The following ALDH3B1 variants were observed in gnomAD, a reference collection of about 807,000 sequenced individuals.
ALDH3B1 encodes aldehyde dehydrogenase family 3 member B1.
A neutral mutation model predicts 46.2 loss-of-function variants in ALDH3B1; 37 were observed. The observed-to-expected ratio is 0.80, with a 90% confidence interval of 0.62 to 1.05. The LOEUF (loss-of-function observed/expected upper bound fraction) is 1.05. Ranked by LOEUF, ALDH3B1 falls within the 50% of genes least tolerant of loss-of-function variation. The probability of loss-of-function intolerance (pLI) is 0.00; values close to 1 mark genes in which losing one functional copy is unlikely to be tolerated. For synonymous variants in ALDH3B1, 283 were observed against 281.0 expected (o/e 1.01, Z -0.07); for missense variants, 603 against 665.5 (o/e 0.91, Z 1.03).
chr11:68,022,773 G>A lies in ALDH3B1; in HGVS notation c.1116+12G>A. 5.6e-6 allele frequency: 9 copies of A among 1,613,290 alleles called. No individual in the cohort carries two copies. The highest frequency in any genetic ancestry group is 6.8e-6 in the Non-Finnish European group (8 of 1,179,634). On this transcript the variant is annotated intron_variant, in intron 8 of 9. Coordinates refer to ENST00000342456, the MANE Select transcript of ALDH3B1 (RefSeq NM_000694.4). ...CCAACAGCAGCCAGGTGGGGGTGCG[G>A]CCGGGCTGGGCAGGGTCAGGAGCCC... is the stretch of plus-strand genomic sequence containing the variant.
intron 2 of ALDH3B1, chr11:68,015,677 G>C (rs1179175012): frequency 1.4e-6 from 1 of 718,016 alleles, no homozygotes; most frequent in South Asian, 1.5e-5. Context: ...GCCAGGTACT[G>C]TTCTAGGCTC....
At chr11:68,012,516 G>C (rs555097529) in intron 1 of ALDH3B1, among the ~76,000 whole-genome samples, 197 of 152,354 alleles carry the variant, frequency 1.3e-3, no homozygotes, top group African/African-American at 4.4e-3. Context: ...CCACGCCCCA[G>C]AGACCCTTGG....
In ALDH3B1 at chr11:68,021,586, A is replaced by G. The variant is rs1857494754; in HGVS notation, c.664A>G (p.Asn222Asp). Reference sequence around the variant, plus strand: ...CAAGAACCCTTGCTACGTGGACGACAACTGCGACCCCCAGACCGTGGCCAA... The same window carrying G: ...CAAGAACCCTTGCTACGTGGACGACGACTGCGACCCCCAGACCGTGGCCAA... ...GGKNPCYVDD[N>D]CDPQTVANRV... is the part of the protein sequence containing the mutation. The change falls in exon 7 of 10, where the codon AAC becomes GAC. Residue 222 changes from asparagine (N) to aspartate (D), a missense_variant. By Grantham distance (23) the Asn-to-Asp change is conservative. Coordinates refer to ENST00000342456, the MANE Select transcript of ALDH3B1 (RefSeq NM_000694.4). 5 of 1,614,064 alleles carry G rather than the reference A, an allele frequency of 3.1e-6. No homozygotes were observed. Among genetic ancestry groups the G allele is most frequent in the Middle Eastern group, 1.6e-4 (1 of 6,062 alleles).
In ALDH3B1 at chr11:68,022,772, G is replaced by C. The variant is rs377123379; in HGVS notation, c.1116+11G>C. 1 of 1,613,328 alleles carries C rather than the reference G, an allele frequency of 6.2e-7. No individual in the cohort carries two copies. On this transcript the variant is annotated intron_variant, in intron 8 of 9. Transcript: ENST00000342456. ...TCCAACAGCAGCCAGGTGGGGGTGC[G>C]GCCGGGCTGGGCAGGGTCAGGAGCC...
chr11:68,012,939 A>G (rs1394160819), intron 1 of ALDH3B1, among the ~76,000 whole-genome samples: 1 of 152,058 alleles, frequency 6.6e-6, no homozygotes, highest in African/African-American at 2.4e-5. Flanking sequence ...GTGGTCCCTC[A>G]GTGGGCGGCC....
chr11:68,027,792 C>T lies in ALDH3B1; in HGVS notation c.1260C>T (p.Asp420=). The change falls in exon 10 of 10, where the codon GAC becomes GAT. Residue 420 remains aspartate, a synonymous_variant. Transcript: ENST00000342456. ...GGTACCATGGCAAGTTCTCCTTCGA[C>T]ACCTTCTCCCACCATCGCGCCTGCC... The part of the protein sequence containing the change: ...MGRYHGKFSF[D]TFSHHRACLL... 1 of 1,560,048 alleles carries T rather than the reference C, an allele frequency of 6.4e-7. No individual in the cohort carries two copies. The highest frequency in any genetic ancestry group is 8.7e-7 in the Non-Finnish European group (1 of 1,150,870).
chr11:68,027,815 G>T lies in ALDH3B1; in HGVS notation c.1283G>T (p.Cys428Phe). 6.4e-7 allele frequency: 1 copy of T among 1,558,114 alleles called. No individual in the cohort carries two copies. ...SFDTFSHHRA[C>F]LLRSPGMEKL... The stretch of plus-strand genomic sequence containing the variant: ...GACACCTTCTCCCACCATCGCGCCT[G>T]CCTCCTGCGCAGCCCGGGGATGGAG... The change falls in exon 10 of 10, where the codon TGC (cysteine) becomes TTC (phenylalanine). Residue 428 changes from cysteine (C) to phenylalanine (F), a missense_variant. Coordinates refer to ENST00000342456, the MANE Select transcript of ALDH3B1 (RefSeq NM_000694.4).
chr11:68,012,206 G>A (rs1857246622), intron 1 of ALDH3B1, among the ~76,000 whole-genome samples: 1 of 152,174 alleles, frequency 6.6e-6, no homozygotes, highest in Admixed American at 6.5e-5. Context: ...TGTGAGGTTG[G>A]GGGCAGCGGC....
At position 68,018,587 on chromosome 11, in the gene ALDH3B1, C is replaced by T. The variant is rs1346406531; in HGVS notation, c.223C>T (p.Leu75Phe). The change falls in exon 3 of 10, where the codon CTC (leucine) becomes TTC (phenylalanine). Residue 75 changes from leucine to phenylalanine, a missense_variant. Physicochemically the swap from Leu to Phe is conservative, Grantham distance 22 (BLOSUM62 0). Transcript: ENST00000342456. ...CAGCCAGGGCGAGGTCACCCTGGCC[C>T]TCAGGAACCTCCGGGCCTGGATGAA... The part of the protein sequence containing the change: ...AISQGEVTLA[L>F]RNLRAWMKDE... 6.3e-7 allele frequency: 1 copy of T among 1,583,730 alleles called. No homozygotes were observed. Among genetic ancestry groups the T allele is most frequent in the Non-Finnish European group, 8.6e-7 (1 of 1,165,496 alleles).
chr11:68,015,787 C>G, intron 2 of ALDH3B1: 1 of 433,620 alleles, frequency 2.3e-6, no homozygotes, highest in Non-Finnish European at 4.5e-6. Context: ...ACAGCAAGGC[C>G]GGGCATGGTG....
rs1343958582 is a variant in ALDH3B1, at chr11:68,029,176, A to C, written c.*1237A>C. On this transcript the variant is annotated 3_prime_UTR_variant, in exon 10 of 10. Coordinates refer to ENST00000342456, the MANE Select transcript of ALDH3B1 (RefSeq NM_000694.4). ...TCCTGCTTTCTTTTTAGACTATATC[A>C]ACCTACAACTTTAGTCGGGAAGAGG... 1 of 152,194 alleles carries C rather than the reference A, an allele frequency of 6.6e-6. No homozygotes were observed. The highest frequency in any genetic ancestry group is 6.5e-5 in the Admixed American group (1 of 15,282). The allele number at this position is 152,194 out of a possible 1,614,324, so 9.4% of individuals were successfully genotyped here.
chr11:68,008,719 G>C (rs935631319), upstream of ALDH3B1: 2 of 152,292 alleles, frequency 1.3e-5, no homozygotes, highest in Non-Finnish European at 2.9e-5. Context: ...CGGGTGGGGG[G>C]GGCCATGATG....
rs1455538593 is a variant in ALDH3B1, at chr11:68,019,666, T to G, written c.481-49T>G. On this transcript the variant is annotated intron_variant, in intron 5 of 9. Transcript: ENST00000342456. ...AGGCAGGGCGGGCTGCTCCCTTGTG[T>G]TCTCGGAGCTGGGGTCCCAGAAGGA... is the stretch of plus-strand genomic sequence containing the variant. The G allele has an allele frequency of 4.4e-6, 7 of 1,597,386 alleles. No homozygotes were observed. In the African/African-American group the frequency reaches 8.0e-5, roughly 18 times the overall value.
Position 68,027,836 on chromosome 11 carries a change from T to C in ALDH3B1, c.1304T>C (p.Met435Thr). The change falls in exon 10 of 10, where the codon ATG becomes ACG. Residue 435 changes from methionine to threonine, a missense_variant. Coordinates refer to ENST00000342456, the MANE Select transcript of ALDH3B1 (RefSeq NM_000694.4). ...HRACLLRSPG[M>T]EKLNALRYPP... The stretch of plus-strand genomic sequence containing the variant: ...GCCTGCCTCCTGCGCAGCCCGGGGA[T>C]GGAGAAGCTCAACGCCCTCCGCTAC... The C allele has an allele frequency of 6.4e-7, 1 of 1,554,806 alleles. No homozygotes were observed. The highest frequency in any genetic ancestry group is 8.7e-7 in the Non-Finnish European group (1 of 1,149,334).
rs200513950 is a variant in ALDH3B1 at position 68,021,493 on chromosome 11, C to T, written c.571C>T (p.Arg191Cys). 50 of 1,610,334 alleles carry T rather than the reference C, an allele frequency of 3.1e-5. No homozygotes were observed. Among genetic ancestry groups the T allele is most frequent in the South Asian group, 7.7e-5 (7 of 90,766 alleles). The stretch of plus-strand genomic sequence containing the variant: ...TTTCCTTCCATGCCCAGGGAGCCCT[C>T]GTGTGGGCAAGATTGTTATGACTGC... The part of the protein sequence containing the change: ...FDYIFFTGSP[R>C]VGKIVMTAAA... Residue 191 changes from arginine (R) to cysteine (C), a missense_variant, in exon 7 of 10, where the codon CGT (arginine) becomes TGT (cysteine). Physicochemically the swap from Arg to Cys is radical, Grantham distance 180 (BLOSUM62 -3). Transcript: ENST00000342456.
At chr11:68,023,665 T>C (rs1228914635) in intron 8 of ALDH3B1, among the ~76,000 whole-genome samples, 2 of 152,094 alleles carry the variant, frequency 1.3e-5, no homozygotes, top group Non-Finnish European at 2.9e-5. Flanking sequence ...ACAGAAAAGT[T>C]GCCAAAATGG....
chr11:68,025,593 T>C (rs1857602574), intron 8 of ALDH3B1, among the ~76,000 whole-genome samples: 1 of 152,120 alleles, frequency 6.6e-6, no homozygotes, highest in Non-Finnish European at 1.5e-5. Flanking sequence ...CAGTGCCCTC[T>C]TTGCCTGAAC....
At chr11:68,013,260 G>A (rs1421170930) in intron 1 of ALDH3B1, among the ~76,000 whole-genome samples, 1 of 152,204 alleles carries the variant, frequency 6.6e-6, no homozygotes, top group Admixed American at 6.5e-5. Context: ...TGCCCTGTGG[G>A]AGAGATGTGT....
At chr11:68,014,979 T>C (rs1461851955) in intron 1 of ALDH3B1, 2 of 310,910 alleles carry the variant, frequency 6.4e-6, no homozygotes, top group Non-Finnish European at 1.2e-5. Context: ...CTGCTCACCC[T>C]CGGGGGCTGT....
Sources: allele counts gnomAD v4.1 joint callset (sites outside exome capture counted in the v4.1 genomes callset), GRCh38; gene constraint gnomAD v4.1.1; transcripts MANE v1.5; gene names NCBI Gene and HGNC (gene_info 2026-07-23, HGNC 2026-07-21).